KCTD16: variants seen among roughly 807,000 people sequenced by gnomAD.
KCTD16 encodes potassium channel tetramerization domain containing 16, also known as BTB/POZ domain-containing protein KCTD16.
In KCTD16, 13 loss-of-function variants were observed where a neutral mutation model predicts 33.2. The ratio of observed to expected loss-of-function variants is 0.39; its 90% confidence interval spans 0.25 to 0.62. The LOEUF is 0.62. Among genes scored for constraint, KCTD16 ranks in the 20% least tolerant of loss-of-function variants. KCTD16 has a pLI of 0.50. For missense variants in KCTD16, 441 were observed against 525.1 expected (o/e 0.84, Z 1.57); for synonymous variants, 197 against 195.3 (o/e 1.01, Z -0.07).
intron 3 of KCTD16, among the ~76,000 whole-genome samples, chr5:144,339,259 A>G (rs1271119782): frequency 6.6e-6 from 1 of 152,244 alleles, no homozygotes; most frequent in Non-Finnish European, 1.5e-5. Context: ...GCTTAGAGAC[A>G]TTCGATAGCT....
intron 3 of KCTD16, among the ~76,000 whole-genome samples, chr5:144,345,935 A>C (rs1403385925): frequency 6.6e-6 from 1 of 150,696 alleles, no homozygotes; most frequent in East Asian, 2.0e-4. Flanking sequence ...GCTATCAAAT[A>C]GTAGGTCTTA....
At chr5:144,184,233 C>T (rs888428480) in intron 2 of KCTD16, among the ~76,000 whole-genome samples, 12 of 152,150 alleles carry the variant, frequency 7.9e-5, no homozygotes, top group Non-Finnish European at 1.5e-4. Flanking sequence ...AAGTGAAATT[C>T]TATCTCCATT....
intron 3 of KCTD16, among the ~76,000 whole-genome samples, chr5:144,229,056 A>G (rs1754019143): frequency 6.6e-6 from 1 of 152,196 alleles, no homozygotes; most frequent in Admixed American, 6.5e-5. Flanking sequence ...ACAAATGGCC[A>G]TGAATGTGAA....
At chr5:144,280,858 C>T (rs921224161) in intron 3 of KCTD16, among the ~76,000 whole-genome samples, 1 of 151,404 alleles carries the variant, frequency 6.6e-6, no homozygotes, top group Non-Finnish European at 1.5e-5. Context: ...ACCCGGCAGG[C>T]GGAGGTTACA....
At chr5:144,245,782 C>T (rs756390325) in intron 3 of KCTD16, among the ~76,000 whole-genome samples, 32 of 152,096 alleles carry the variant, frequency 2.1e-4, no homozygotes, top group Non-Finnish European at 4.0e-4. Context: ...GCTTTGGCCA[C>T]GTGAAGTGCT....
intron 3 of KCTD16, among the ~76,000 whole-genome samples, chr5:144,466,384 C>T (rs996344136): frequency 1.3e-5 from 2 of 151,738 alleles, no homozygotes; most frequent in South Asian, 2.1e-4. Context: ...ACACTGTGTC[C>T]TTCATGTAGT....
At chr5:144,222,095 A>T (rs1753774881) in intron 3 of KCTD16, among the ~76,000 whole-genome samples, 1 of 151,654 alleles carries the variant, frequency 6.6e-6, no homozygotes, top group African/African-American at 2.4e-5. Flanking sequence ...ACCTTTGCCC[A>T]TTTTTTGATG....
chr5:144,320,427 A>G (rs946450982), intron 3 of KCTD16, among the ~76,000 whole-genome samples: 1 of 152,168 alleles, frequency 6.6e-6, no homozygotes, highest in Non-Finnish European at 1.5e-5. Context: ...TTGTCTCTAT[A>G]TTCCTCACTG....
chr5:144,463,960 T>C (rs76602490), intron 3 of KCTD16, among the ~76,000 whole-genome samples: 4,130 of 152,332 alleles, frequency 0.027, 177 homozygotes, highest in African/African-American at 0.095. Context: ...GACGATTTGT[T>C]AGTGGCTACT....
rs1323952620 is a variant in KCTD16 at position 144,230,461 on chromosome 5, G to C, written c.832+22915G>C. On this transcript the variant is annotated intron_variant, in intron 3 of 3. Transcript: ENST00000512467. Reference sequence around the variant, plus strand: ...GAAAGGTGTGAATCCTCAGCCTTAAGTGGATATCATTGGATTTATGCCAGT... The same window carrying C: ...GAAAGGTGTGAATCCTCAGCCTTAACTGGATATCATTGGATTTATGCCAGT... Among the ~76,000 whole-genome samples the C allele has an allele frequency of 3.9e-5, 6 of 152,328 alleles. No individual in the cohort carries two copies. The South Asian group carries it at 1.0e-3, about 26-fold the overall frequency.
chr5:144,279,654 G>A (rs1755546829), intron 3 of KCTD16, among the ~76,000 whole-genome samples: 1 of 152,236 alleles, frequency 6.6e-6, no homozygotes, highest in Non-Finnish European at 1.5e-5. Context: ...GAGTGTGAGA[G>A]CAAACAAGAA....
intron 3 of KCTD16, among the ~76,000 whole-genome samples, chr5:144,283,401 C>T (rs11167853): frequency 0.21 from 32,608 of 152,124 alleles, 3,939 homozygotes; most frequent in Non-Finnish European, 0.28. Context: ...TGAATTTACT[C>T]CATCTTAGTT....
chr5:144,268,725 G>GA (rs1339750813), intron 3 of KCTD16, among the ~76,000 whole-genome samples: 5 of 151,916 alleles, frequency 3.3e-5, no homozygotes, highest in South Asian at 2.1e-4. Context: ...ACATTCAAAG[G>GA]AAAAAAATTA....
intron 3 of KCTD16, among the ~76,000 whole-genome samples, chr5:144,209,781 G>C (rs900274738): frequency 3.1e-5 from 4 of 128,818 alleles, no homozygotes; most frequent in East Asian, 2.1e-4. Flanking sequence ...CCTGGGCTTA[G>C]GGGGAAATAT....
At chr5:144,447,107 C>T (rs1753836674) in intron 3 of KCTD16, among the ~76,000 whole-genome samples, 1 of 152,042 alleles carries the variant, frequency 6.6e-6, no homozygotes, top group African/African-American at 2.4e-5. Context: ...CGCATAAACA[C>T]GTATGTTTAT....
intron 3 of KCTD16, among the ~76,000 whole-genome samples, chr5:144,324,751 A>T (rs938066583): frequency 6.6e-6 from 1 of 152,244 alleles, no homozygotes; most frequent in African/African-American, 2.4e-5. Context: ...AGCCATAAAA[A>T]GGAACAAGAT....
intron 3 of KCTD16, among the ~76,000 whole-genome samples, chr5:144,438,877 C>G (rs1753637727): frequency 6.6e-6 from 1 of 152,086 alleles, no homozygotes; most frequent in Admixed American, 6.5e-5. Context: ...TTGATCTAAG[C>G]CAAAAAGCCT....
intron 3 of KCTD16, among the ~76,000 whole-genome samples, chr5:144,268,836 G>A (rs1015356531): frequency 6.6e-6 from 1 of 152,144 alleles, no homozygotes; most frequent in Admixed American, 6.5e-5. Context: ...AAAGAAAGAT[G>A]TTGGGAAACT....
chr5:144,333,048 A>G (rs574037122), intron 3 of KCTD16, among the ~76,000 whole-genome samples: 15 of 152,192 alleles, frequency 9.9e-5, no homozygotes, highest in African/African-American at 3.4e-4. Context: ...CCTTCCCACA[A>G]CTCGTGGGAA....
Sources: allele counts gnomAD v4.1 joint callset (sites outside exome capture counted in the v4.1 genomes callset), GRCh38; gene constraint gnomAD v4.1.1; transcripts MANE v1.5; gene names NCBI Gene and HGNC (gene_info 2026-07-23, HGNC 2026-07-21).